Variants in SYNPO2 observed in about 807,000 individuals in gnomAD.
SYNPO2 encodes synaptopodin 2.
Under a neutral mutation model 85.0 loss-of-function variants are expected in SYNPO2, and 56 were observed. The observed-to-expected ratio is 0.66, with a 90% CI of 0.53 to 0.82. The LOEUF (loss-of-function observed/expected upper bound fraction) is 0.82. Ranked by LOEUF, SYNPO2 falls within the 40% of genes least tolerant of loss-of-function variation. The probability of loss-of-function intolerance (pLI) is 0.00; values close to 1 mark genes in which losing one functional copy is unlikely to be tolerated. For missense variants in SYNPO2, 1,575 were observed against 1,534.2 expected, an observed-to-expected ratio of 1.03 and a Z score of -0.44; for synonymous variants, 602 against 591.1, an observed-to-expected ratio of 1.02 and a Z score of -0.27.
In SYNPO2 at chr4:118,977,169, G is replaced by A. The variant is rs185839158; in HGVS notation, c.106-46261G>A. On this transcript the variant is annotated intron_variant, in intron 1 of 4. Coordinates refer to ENST00000307142, the MANE Select transcript of SYNPO2 (RefSeq NM_133477.3). ...AGGGGGTGGGAGGCTCAGGCATGGC[G>A]GGCTGCAGGTCCCAAGGCCTGCCCC... 1.8e-3 allele frequency among the ~76,000 whole-genome samples: 268 copies of A among 152,342 alleles called. 2 individuals carry two copies. Among genetic ancestry groups the A allele is most frequent in the African/African-American group, 5.3e-3 (219 of 41,586 alleles).
At chr4:118,977,086 G>A (rs543236863) in intron 1 of SYNPO2, among the ~76,000 whole-genome samples, 15 of 152,312 alleles carry the variant, frequency 9.8e-5, no homozygotes, top group South Asian at 4.1e-4. Context: ...GGGACTGGGC[G>A]CCGTGGAGCA....
intron 1 of SYNPO2, among the ~76,000 whole-genome samples, chr4:119,010,896 C>G (rs931160008): frequency 2.0e-5 from 3 of 152,140 alleles, no homozygotes; most frequent in African/African-American, 7.2e-5. Context: ...AACACAGACC[C>G]CTGGCTGAGT....
At chr4:118,967,354 A>C (rs906858367) in intron 1 of SYNPO2, among the ~76,000 whole-genome samples, 3 of 152,228 alleles carry the variant, frequency 2.0e-5, no homozygotes, top group Non-Finnish European at 4.4e-5. Context: ...TAGCTCTGAC[A>C]TTCCCTGAGA....
intron 1 of SYNPO2, among the ~76,000 whole-genome samples, chr4:118,910,283 GA>G (rs913572587): frequency 6.6e-6 from 1 of 152,220 alleles, no homozygotes; most frequent in Non-Finnish European, 1.5e-5. Flanking sequence ...TGTCAGGGGA[GA>G]ATGAAGGGAG....
At chr4:118,924,196 G>T (rs1733637193) in intron 1 of SYNPO2, among the ~76,000 whole-genome samples, 1 of 152,104 alleles carries the variant, frequency 6.6e-6, no homozygotes, top group Non-Finnish European at 1.5e-5. Context: ...ATATCAAAAA[G>T]CAATCTCTTA....
intron 1 of SYNPO2, among the ~76,000 whole-genome samples, chr4:118,964,983 G>A (rs965569166): frequency 2.0e-5 from 3 of 152,120 alleles, no homozygotes; most frequent in Non-Finnish European, 2.9e-5. Context: ...AAGCCCAAAG[G>A]CTGCTCCCAA....
At chr4:118,894,347 C>T (rs547677914) in intron 1 of SYNPO2, among the ~76,000 whole-genome samples, 1 of 152,134 alleles carries the variant, frequency 6.6e-6, no homozygotes, top group Admixed American at 6.6e-5. Context: ...TTTCTGAAGC[C>T]AGAATGGATG....
intron 1 of SYNPO2, among the ~76,000 whole-genome samples, chr4:118,883,318 C>T (rs1178986830): frequency 6.6e-6 from 1 of 152,072 alleles, no homozygotes; most frequent in Non-Finnish European, 1.5e-5. Flanking sequence ...CAGTCATAAA[C>T]ATTAGCTCAA....
chr4:118,901,802 A>C (rs1732766406), intron 1 of SYNPO2, among the ~76,000 whole-genome samples: 1 of 152,240 alleles, frequency 6.6e-6, no homozygotes, highest in Non-Finnish European at 1.5e-5. Context: ...TGGGAAGTAC[A>C]TAACTGTCTG....
intron 4 of SYNPO2, among the ~76,000 whole-genome samples, chr4:119,051,543 T>G (rs1460208805): frequency 6.6e-6 from 1 of 152,086 alleles, no homozygotes. Flanking sequence ...ATCTAGAGCC[T>G]AAGGATTGAC....
chr4:119,052,055 G>A (rs946161943), intron 4 of SYNPO2, among the ~76,000 whole-genome samples: 3 of 152,204 alleles, frequency 2.0e-5, no homozygotes, highest in African/African-American at 7.2e-5. Context: ...TCTTCTTAGA[G>A]AACTTCATGG....
At chr4:118,968,839 A>T (rs1263134739) in intron 1 of SYNPO2, among the ~76,000 whole-genome samples, 1 of 152,206 alleles carries the variant, frequency 6.6e-6, no homozygotes, top group Admixed American at 6.5e-5. Flanking sequence ...GCTCAGACTG[A>T]TTTTTGAGCC....
intron 1 of SYNPO2, among the ~76,000 whole-genome samples, chr4:118,874,590 C>CT (rs1323594243): frequency 1.3e-5 from 2 of 152,104 alleles, no homozygotes; most frequent in East Asian, 1.9e-4. Context: ...TAAGTTTTGC[C>CT]TTTTTTCCCT....
intron 1 of SYNPO2, among the ~76,000 whole-genome samples, chr4:118,940,509 C>A (rs1317152037): frequency 6.7e-6 from 1 of 150,248 alleles, no homozygotes; most frequent in Non-Finnish European, 1.5e-5. Flanking sequence ...TTTTTTCATT[C>A]ATTTGACAAA....
In SYNPO2 at chr4:119,023,547, A is replaced by G. The variant is rs1737821026; in HGVS notation, c.223A>G (p.Ser75Gly). 3 of 1,613,704 alleles carry G rather than the reference A, an allele frequency of 1.9e-6. No individual in the cohort carries two copies. The highest frequency in any genetic ancestry group is 1.7e-5 in the Admixed American group (1 of 59,980). Reference sequence around the variant, plus strand: ...CCCTGAAGTCATCAAGCTCATGGAAAGCATAACAGACTCTCTCCAAATGCT... The same window carrying G: ...CCCTGAAGTCATCAAGCTCATGGAAGGCATAACAGACTCTCTCCAAATGCT... ...TYPEVIKLME[S>G]ITDSLQMLIK... The change falls in exon 2 of 5, where the codon AGC becomes GGC. Residue 75 changes from serine (S) to glycine (G), a missense_variant. Around this residue, in one of 3 missense-constraint regions of SYNPO2, gnomAD observed 1,508 missense variants for 1,446.8 expected, o/e 1.04. Transcript: ENST00000307142.
intron 4 of SYNPO2, among the ~76,000 whole-genome samples, chr4:119,047,855 C>T (rs1738918221): frequency 6.6e-6 from 1 of 152,240 alleles, no homozygotes; most frequent in African/African-American, 2.4e-5. Flanking sequence ...TAGAGGCTGC[C>T]ATTTCCTAAC....
intron 1 of SYNPO2, among the ~76,000 whole-genome samples, chr4:118,899,616 G>A (rs527836788): frequency 1.1e-4 from 16 of 152,158 alleles, no homozygotes; most frequent in South Asian, 4.2e-4. Flanking sequence ...TTTCATTTTC[G>A]TCAATAAATA....
At chr4:119,028,588 C>CA (rs1471315413) in intron 3 of SYNPO2, among the ~76,000 whole-genome samples, 2 of 151,894 alleles carry the variant, frequency 1.3e-5, no homozygotes, top group Non-Finnish European at 2.9e-5. Context: ...TAACACTAGT[C>CA]AAAAAAGGAA....
At chr4:118,905,430 ATGTGTGTGTGTGCG>A (rs1732898996) in intron 1 of SYNPO2, among the ~76,000 whole-genome samples, 1 of 116,564 alleles carries the variant, frequency 8.6e-6, no homozygotes, top group Non-Finnish European at 1.9e-5. Flanking sequence ...GTGGTACCTG[ATGTGTGTGTGTGCG>A]TGTGTGTGTG....
Sources: allele counts gnomAD v4.1 joint callset (sites outside exome capture counted in the v4.1 genomes callset), GRCh38; gene constraint gnomAD v4.1.1; regional missense constraint gnomAD v4.1.1; transcripts MANE v1.5; gene names NCBI Gene and HGNC (gene_info 2026-07-23, HGNC 2026-07-21).